CA8: variants seen among roughly 807,000 people sequenced by gnomAD.
The protein encoded by CA8 is carbonic anhydrase-related protein.
CA8 carries 22 observed loss-of-function variants against 41.4 expected under a neutral mutation model. The observed-to-expected ratio is 0.53, with a 90% CI of 0.38 to 0.76. The LOEUF is 0.76. Ranked by LOEUF, CA8 falls within the 30% of genes least tolerant of loss-of-function variation. The pLI is 0.00. For missense variants in CA8, 270 were observed against 352.8 expected, an observed-to-expected ratio of 0.77 and a Z score of 1.88; for synonymous variants, 121 against 130.6, an observed-to-expected ratio of 0.93 and a Z score of 0.50.
intron 3 of CA8, among the ~76,000 whole-genome samples, chr8:60,245,411 TAA>T (rs1009458076): frequency 6.6e-6 from 1 of 152,234 alleles, no homozygotes; most frequent in African/African-American, 2.4e-5. Flanking sequence ...CTTATTTATA[TAA>T]GTTTTGTAAT....
At chr8:60,233,702 G>C (rs1807737405) in intron 3 of CA8, among the ~76,000 whole-genome samples, 1 of 152,126 alleles carries the variant, frequency 6.6e-6, no homozygotes, top group Non-Finnish European at 1.5e-5. Context: ...CAACAAAGAA[G>C]GTCTAGGCCC....
chr8:60,275,363 C>T (rs1276445612), intron 2 of CA8, among the ~76,000 whole-genome samples: 1 of 151,626 alleles, frequency 6.6e-6, no homozygotes, highest in African/African-American at 2.4e-5. Context: ...GAAAAAGAAA[C>T]CCAGAGTAAA....
At chr8:60,279,912 G>T in intron 1 of CA8, 32 bp from the exon 2 acceptor site, 2 of 1,547,970 alleles carry the variant, frequency 1.3e-6, no homozygotes, top group Non-Finnish European at 1.8e-6. Flanking sequence ...TTAAAAACAG[G>T]TTAAAAAATA....
chr8:60,209,718 G>A lies in CA8; in HGVS notation c.739-799C>T, dbSNP rs1189218454. On this transcript the variant is annotated intron_variant, in intron 7 of 8. Transcript: ENST00000317995. ...TTTTCTAGCCCTCTGGAGAGCACAG[G>A]TCCAAAAAAATGATTTTTCAAAAGT... is the stretch of plus-strand genomic sequence containing the variant. Among the ~76,000 whole-genome samples the A allele has an allele frequency of 2.0e-5, 3 of 152,152 alleles. No homozygotes were observed. The East Asian group carries it at 5.8e-4, about 29-fold the overall frequency.
intron 2 of CA8, among the ~76,000 whole-genome samples, chr8:60,272,204 T>G (rs1283750210): frequency 1.3e-5 from 2 of 152,156 alleles, no homozygotes; most frequent in African/African-American, 4.8e-5. Context: ...ATTCTGTAGA[T>G]TGCATCGCAG....
chr8:60,249,325 A>C (rs1185066754), intron 3 of CA8, among the ~76,000 whole-genome samples: 1 of 152,158 alleles, frequency 6.6e-6, no homozygotes, highest in Non-Finnish European at 1.5e-5. Context: ...CAGTGGCACC[A>C]CCCTTCAGGA....
intron 7 of CA8, among the ~76,000 whole-genome samples, chr8:60,217,277 G>A (rs945150354): frequency 1.3e-5 from 2 of 152,204 alleles, no homozygotes; most frequent in Non-Finnish European, 2.9e-5. Flanking sequence ...TAGACACCCA[G>A]CTCGTCTACT....
intron 2 of CA8, among the ~76,000 whole-genome samples, chr8:60,269,150 T>A (rs1803990336): frequency 1.3e-5 from 2 of 152,232 alleles, no homozygotes; most frequent in South Asian, 4.1e-4. Flanking sequence ...AATGATTGTG[T>A]TTATGGACTA....
At chr8:60,256,091 G>GAT (rs1467691234) in intron 3 of CA8, among the ~76,000 whole-genome samples, 2 of 151,972 alleles carry the variant, frequency 1.3e-5, no homozygotes, top group Non-Finnish European at 2.9e-5. Context: ...GTATCTTTTA[G>GAT]TAGAGATGGT....
At chr8:60,270,340 A>G (rs923346324) in intron 2 of CA8, among the ~76,000 whole-genome samples, 4 of 152,220 alleles carry the variant, frequency 2.6e-5, no homozygotes, top group Non-Finnish European at 5.9e-5. Context: ...ACCCCACACC[A>G]GTGGGTCCCT....
At chr8:60,266,936 G>A (rs1023176518) in intron 2 of CA8, among the ~76,000 whole-genome samples, 1 of 152,182 alleles carries the variant, frequency 6.6e-6, no homozygotes, top group African/African-American at 2.4e-5. Context: ...TATCAGCTAA[G>A]CATTTTAGGT....
intron 3 of CA8, among the ~76,000 whole-genome samples, chr8:60,237,500 C>A (rs1434544609): frequency 1.3e-5 from 2 of 152,192 alleles, no homozygotes; most frequent in Admixed American, 1.3e-4. Context: ...TAGAAGTAGA[C>A]GGGTCACTGC....
chr8:60,276,092 G>T (rs1325852707), intron 2 of CA8, among the ~76,000 whole-genome samples: 1 of 152,228 alleles, frequency 6.6e-6, no homozygotes, highest in Admixed American at 6.5e-5. Context: ...GTTCCTGGAA[G>T]ATGAACTGTA....
intron 3 of CA8, among the ~76,000 whole-genome samples, chr8:60,237,073 G>A (rs1257310885): frequency 2.0e-5 from 3 of 152,106 alleles, no homozygotes; most frequent in African/African-American, 4.8e-5. Flanking sequence ...ATACAGAGGC[G>A]GCAACCCTGT....
At chr8:60,209,281 C>T (rs1392847897) in intron 7 of CA8, among the ~76,000 whole-genome samples, 1 of 152,172 alleles carries the variant, frequency 6.6e-6, no homozygotes, top group African/African-American at 2.4e-5. Flanking sequence ...GTCAAGAGTT[C>T]AACAGCAGCC....
At chr8:60,209,095 T>TA (rs138351900) in intron 7 of CA8, among the ~76,000 whole-genome samples, 176 bp from the exon 8 acceptor site, 6,127 of 152,272 alleles carry the variant, frequency 0.04, 395 homozygotes, top group African/African-American at 0.14. Context: ...CCTAAGACGT[T>TA]AGAGAGGACC....
At chr8:60,200,301 G>A (rs1806386945) in intron 8 of CA8, among the ~76,000 whole-genome samples, 1 of 152,174 alleles carries the variant, frequency 6.6e-6, no homozygotes, top group African/African-American at 2.4e-5. Flanking sequence ...TTGTTATAGA[G>A]GATCAAATGG....
intron 3 of CA8, among the ~76,000 whole-genome samples, chr8:60,252,460 T>C (rs1808488582): frequency 1.3e-5 from 2 of 152,224 alleles, no homozygotes; most frequent in African/African-American, 2.4e-5. Context: ...CAATTCCAAT[T>C]AGCAATAAGT....
intron 8 of CA8, among the ~76,000 whole-genome samples, chr8:60,198,541 T>G (rs762558254): frequency 7.9e-5 from 12 of 152,168 alleles, no homozygotes; most frequent in Non-Finnish European, 1.5e-4. Context: ...CAAAACTGTT[T>G]TACACACTAC....
Sources: gnomAD v4.1 joint callset for allele counts (sites outside exome capture counted in the v4.1 genomes callset) on GRCh38, gnomAD v4.1.1 for gene constraint, MANE v1.5 for transcripts, NCBI Gene and HGNC (gene_info 2026-07-23, HGNC 2026-07-21) for gene names.